Variants in NBEA observed in about 807,000 individuals in gnomAD.
The protein encoded by NBEA is lysosomal-trafficking regulator 2.
Under a neutral mutation model 343.4 loss-of-function variants are expected in NBEA, and 44 were observed. The observed-to-expected ratio is 0.13, with a 90% CI of 0.10 to 0.16. The LOEUF is 0.16. NBEA is among the 10% of genes least tolerant of loss of function. NBEA has a pLI of 1.00. For missense variants in NBEA, 2,555 were observed against 3,631.3 expected (o/e 0.70, Z 7.62); for synonymous variants, 1,175 against 1,238.7 (o/e 0.95, Z 1.08).
intron 1 of NBEA, among the ~76,000 whole-genome samples, chr13:34,966,913 G>T (rs1394915881): frequency 6.6e-6 from 1 of 150,758 alleles, no homozygotes; most frequent in Non-Finnish European, 1.5e-5. Context: ...GTGCCAGAAT[G>T]CAAATCATCT....
At chr13:35,223,599 A>ACAT (rs1214279862) in intron 33 of NBEA, among the ~76,000 whole-genome samples, 1 of 152,074 alleles carries the variant, frequency 6.6e-6, no homozygotes, top group East Asian at 1.9e-4. Context: ...ATTATGTTAC[A>ACAT]TATTTTTTTA....
At chr13:35,437,603 G>A (rs2045510360) in intron 39 of NBEA, among the ~76,000 whole-genome samples, 2 of 152,192 alleles carry the variant, frequency 1.3e-5, no homozygotes, top group African/African-American at 4.8e-5. Context: ...CTGCTGGTTA[G>A]TGTTCTAATT....
At chr13:35,616,288 C>T (rs1048700096) in intron 48 of NBEA, among the ~76,000 whole-genome samples, 1 of 152,126 alleles carries the variant, frequency 6.6e-6, no homozygotes, top group African/African-American at 2.4e-5. Flanking sequence ...GATTGACCTG[C>T]GAACAAAACC....
In NBEA at chr13:35,369,604, C is replaced by A. The variant is rs942477019; in HGVS notation, c.6179+17281C>A. On this transcript the variant is annotated intron_variant, in intron 38 of 58. Transcript: ENST00000379939. ...TTTTCCTTATAGAGGTTGTTCACCT[C>A]TTTGGTTACATTGTGAATAGGATTA... 3.3e-5 allele frequency among the ~76,000 whole-genome samples: 5 copies of A among 151,944 alleles called. No individual in the cohort carries two copies. The South Asian group carries it at 8.3e-4, about 25-fold the overall frequency.
chr13:35,256,392 G>A (rs2032594169), intron 34 of NBEA, among the ~76,000 whole-genome samples: 1 of 152,122 alleles, frequency 6.6e-6, no homozygotes, highest in African/African-American at 2.4e-5. Context: ...ACTGGTCTTT[G>A]GGAGGCCATA....
At chr13:35,285,447 A>G (rs898857616) in intron 34 of NBEA, among the ~76,000 whole-genome samples, 1 of 152,172 alleles carries the variant, frequency 6.6e-6, no homozygotes, top group African/African-American at 2.4e-5. Context: ...TAGAAAATAA[A>G]TTGGTATCTT....
rs373526238 is a variant in NBEA, at chr13:35,396,194, G to A, written c.6180-36075G>A. Among the ~76,000 whole-genome samples, 70 of 152,038 alleles carry A rather than the reference G, an allele frequency of 4.6e-4. 1 individual carries two copies. The South Asian group carries it at 0.014, about 31-fold the overall frequency. On this transcript the variant is annotated intron_variant, in intron 38 of 58. Coordinates refer to ENST00000379939, the MANE Select transcript of NBEA (RefSeq NM_001385012.1). ...GTAGGTGCATGCCACTGCACCTAGTGGGTATTGCTTTTTAATCTGTTTTGA... is the reference window on the plus strand; with the variant it reads ...GTAGGTGCATGCCACTGCACCTAGTAGGTATTGCTTTTTAATCTGTTTTGA...
intron 41 of NBEA, among the ~76,000 whole-genome samples, chr13:35,497,504 G>C (rs906938696): frequency 1.3e-5 from 2 of 152,032 alleles, no homozygotes; most frequent in Non-Finnish European, 1.5e-5. Flanking sequence ...TAAACTACCT[G>C]ATATCTATAG....
chr13:35,063,119 CAAAAT>C (rs2063523266), intron 8 of NBEA, among the ~76,000 whole-genome samples: 1 of 152,036 alleles, frequency 6.6e-6, no homozygotes, highest in East Asian at 1.9e-4. Context: ...AAAGGAAAAA[CAAAAT>C]AAATCAGTGC....
At chr13:35,104,251 G>A (rs1284403737) in intron 11 of NBEA, among the ~76,000 whole-genome samples, 1 of 151,726 alleles carries the variant, frequency 6.6e-6, no homozygotes, top group Non-Finnish European at 1.5e-5. Flanking sequence ...AATATTCTCC[G>A]ATCATTCTAA....
At chr13:35,613,474 A>G (rs962831806) in intron 48 of NBEA, among the ~76,000 whole-genome samples, 2 of 152,180 alleles carry the variant, frequency 1.3e-5, no homozygotes, top group Admixed American at 6.5e-5. Context: ...GGTTGCTTCC[A>G]TATCCTGGCT....
chr13:35,373,041 G>T (rs1342202462), intron 38 of NBEA, among the ~76,000 whole-genome samples: 1 of 152,124 alleles, frequency 6.6e-6, no homozygotes, highest in Non-Finnish European at 1.5e-5. Context: ...CAAGGGACTC[G>T]CCTGAATCTA....
chr13:35,567,689 C>G (rs963362951), intron 45 of NBEA, among the ~76,000 whole-genome samples: 6 of 152,200 alleles, frequency 3.9e-5, no homozygotes, highest in Non-Finnish European at 5.9e-5. Flanking sequence ...AGTAAAGCCT[C>G]AGCCCATTGA....
intron 33 of NBEA, among the ~76,000 whole-genome samples, chr13:35,214,855 G>C (rs1009714116): frequency 1.3e-5 from 2 of 151,734 alleles, no homozygotes; most frequent in Non-Finnish European, 3.0e-5. Context: ...GATCTGTTTT[G>C]ACTTAGTTTT....
At chr13:35,308,369 C>G (rs73169727) in intron 35 of NBEA, among the ~76,000 whole-genome samples, 34 of 145,008 alleles carry the variant, frequency 2.3e-4, no homozygotes, top group Non-Finnish European at 4.5e-4. Flanking sequence ...CATTAGGGAA[C>G]TTTGAGGAGT....
chr13:35,124,519 C>T (rs182357749), intron 17 of NBEA, among the ~76,000 whole-genome samples: 489 of 148,468 alleles, frequency 3.3e-3, no homozygotes, highest in African/African-American at 0.011. Flanking sequence ...CACACACACA[C>T]GGATATATAT....
intron 41 of NBEA, among the ~76,000 whole-genome samples, chr13:35,506,246 T>G (rs1020026090): frequency 1.3e-5 from 2 of 152,004 alleles, no homozygotes; most frequent in Non-Finnish European, 2.9e-5. Flanking sequence ...TATATTTTAT[T>G]TTTGTAGAGA....
chr13:35,204,272 T>C (rs1447378437), intron 31 of NBEA, among the ~76,000 whole-genome samples: 1 of 152,162 alleles, frequency 6.6e-6, no homozygotes, highest in Non-Finnish European at 1.5e-5. Context: ...TGTATTAGTT[T>C]GTTTTCACAC....
At chr13:35,415,817 C>A (rs962837813) in intron 38 of NBEA, among the ~76,000 whole-genome samples, 2 of 152,094 alleles carry the variant, frequency 1.3e-5, no homozygotes, top group Non-Finnish European at 2.9e-5. Flanking sequence ...CTATAAATTA[C>A]CTTGGGCAGT....
Sources: allele counts gnomAD v4.1 joint callset (sites outside exome capture counted in the v4.1 genomes callset), GRCh38; gene constraint gnomAD v4.1.1; transcripts MANE v1.5; gene names NCBI Gene and HGNC (gene_info 2026-07-23, HGNC 2026-07-21).